Variants in CEP76 observed in about 807,000 individuals in gnomAD.
CEP76 encodes the protein centrosomal protein of 76 kDa.
In CEP76, 55 loss-of-function variants were observed where a neutral mutation model predicts 83.3. That is an observed-to-expected ratio of 0.66 (90% CI 0.53 to 0.83). CEP76 has a LOEUF of 0.83. Ranked by LOEUF, CEP76 falls within the 40% of genes least tolerant of loss-of-function variation. The pLI is 0.00. For missense variants in CEP76, 694 were observed against 799.5 expected, an observed-to-expected ratio of 0.87 and a Z score of 1.59; for synonymous variants, 270 against 274.5, an observed-to-expected ratio of 0.98 and a Z score of 0.16.
Position 12,678,141 on chromosome 18 carries a change from G to GC in CEP76, c.1590dup (p.Gln531AlafsTer35), listed in dbSNP as rs747488126. On this transcript the variant is annotated frameshift_variant, in exon 10 of 12. Transcript: ENST00000262127. LOFTEE classifies it high-confidence loss of function. The stretch of plus-strand genomic sequence containing the variant: ...TGTTCTGACACCAGGAGCCTCAGCT[G>GC]CATTTCAATTTCATTACTTGTTACT... 1 of 1,613,416 alleles carries GC rather than the reference G, an allele frequency of 6.2e-7. No individual in the cohort carries two copies. The highest frequency in any genetic ancestry group is 1.1e-5 in the South Asian group (1 of 91,076).
At chr18:12,697,546 T>A in intron 4 of CEP76, 138 bp from the exon 5 acceptor site, 1 of 613,140 alleles carries the variant, frequency 1.6e-6, no homozygotes, top group East Asian at 3.0e-5. Flanking sequence ...TCAGAAAGCA[T>A]GCAAAAAACT....
intron 2 of CEP76, 109 bp from the exon 3 acceptor site, chr18:12,700,014 C>A: frequency 3.7e-6 from 2 of 540,594 alleles, no homozygotes; most frequent in Non-Finnish European, 3.1e-6. Flanking sequence ...AGGGTAAGGC[C>A]CTTTCAAAGA....
chr18:12,688,911 G>A lies in CEP76; in HGVS notation c.933+2448C>T, dbSNP rs192959934. On this transcript the variant is annotated intron_variant, in intron 7 of 11. Coordinates refer to ENST00000262127, the MANE Select transcript of CEP76 (RefSeq NM_024899.4). ...GGGCGGGTCATGAGGTCAGGAGATC[G>A]AGACCATCCTGGCTAACACAGTGAA... Among the ~76,000 whole-genome samples, 1,318 of 152,068 alleles carry A rather than the reference G, an allele frequency of 8.7e-3. 25 individuals are homozygous for A. Among genetic ancestry groups the A allele is most frequent in the African/African-American group, 0.031 (1,270 of 41,476 alleles).
chr18:12,694,174 CAT>C (rs1312077302), intron 6 of CEP76, among the ~76,000 whole-genome samples: 5 of 152,024 alleles, frequency 3.3e-5, no homozygotes, highest in African/African-American at 1.2e-4. Flanking sequence ...ACCCATGACA[CAT>C]GTCAGAAGCT....
At chr18:12,674,826 G>A in intron 10 of CEP76, 73 bp from the exon 11 acceptor site, 1 of 925,742 alleles carries the variant, frequency 1.1e-6, no homozygotes, top group Non-Finnish European at 1.6e-6. Flanking sequence ...TAAAAATGTT[G>A]ATTATTTTAA....
At position 12,687,669 on chromosome 18, in the gene CEP76, T is replaced by A. The variant is rs527996091; in HGVS notation, c.934-1219A>T. Among the ~76,000 whole-genome samples the A allele has an allele frequency of 5.7e-4, 86 of 151,708 alleles. 2 individuals are homozygous for A. In the South Asian group the frequency reaches 0.018, roughly 32 times the overall value. ...GTTTCACGATGTTGACCAGGCTTGG[T>A]CTCAAACTCCTGACCTCAAGTGATC... On this transcript the variant is annotated intron_variant, in intron 7 of 11. Coordinates refer to ENST00000262127, the MANE Select transcript of CEP76 (RefSeq NM_024899.4).
intron 12 of CEP76, among the ~76,000 whole-genome samples, chr18:12,666,077 G>A (rs1226130211): frequency 6.6e-6 from 1 of 151,630 alleles, no homozygotes; most frequent in Admixed American, 6.6e-5. Flanking sequence ...AGCATCTTGG[G>A]AGACTGAGAC....
intron 11 of CEP76, among the ~76,000 whole-genome samples, chr18:12,674,286 A>T (rs549564459): frequency 2.0e-5 from 3 of 151,824 alleles, no homozygotes; most frequent in East Asian, 1.9e-4. Context: ...AAATAAAGAT[A>T]AAAAAAATAG....
rs752168024 is a variant in CEP76, at chr18:12,699,852, A to G, written c.273T>C (p.Asp91=). 6.3e-7 allele frequency: 1 copy of G among 1,587,322 alleles called. No individual in the cohort carries two copies. The highest frequency in any genetic ancestry group is 1.4e-5 in the African/African-American group (1 of 74,022). ...TACTTTTTTTTAATGTCGATTGTCT[A>G]TCAAAACAAATAGGTTGTTTTGGAG... The part of the protein sequence containing the change: ...PSSPKQPICF[D]RQSTLKKTNI... Residue 91 remains aspartate, a synonymous_variant, in exon 3 of 12, where the codon GAT becomes GAC. Transcript: ENST00000262127.
chr18:12,675,172 G>A (rs1489388146), intron 10 of CEP76, among the ~76,000 whole-genome samples: 3 of 152,094 alleles, frequency 2.0e-5, no homozygotes, highest in Non-Finnish European at 2.9e-5. Context: ...TGAGGTGGGC[G>A]GATCATGAGG....
rs762367925 is a variant in CEP76 at position 12,686,305 on chromosome 18, T to C, written c.1079A>G (p.Gln360Arg). 1 of 1,614,144 alleles carries C rather than the reference T, an allele frequency of 6.2e-7. No homozygotes were observed. The highest frequency in any genetic ancestry group is 8.5e-7 in the Non-Finnish European group (1 of 1,180,008). Residue 360 changes from glutamine to arginine, a missense_variant, in exon 8 of 12, where the codon CAG (glutamine) becomes CGG (arginine). Gln to Arg is a conservative substitution (Grantham distance 43). Coordinates refer to ENST00000262127, the MANE Select transcript of CEP76 (RefSeq NM_024899.4). ...GGCCAGCAGAGTGCACCACTGCTCC[T>C]GTTTACCTCCTCCTCCAATAACAGG... ...RAPVIGGGGK[Q>R]EQWCTLLAFL...
intron 10 of CEP76, among the ~76,000 whole-genome samples, chr18:12,677,143 A>G (rs2039164656): frequency 6.6e-6 from 1 of 152,144 alleles, no homozygotes; most frequent in Non-Finnish European, 1.5e-5. Flanking sequence ...AAGGAAATCT[A>G]CATGCTATTT....
downstream of CEP76, among the ~76,000 whole-genome samples, chr18:12,668,049 G>A (rs2038841236): frequency 6.6e-6 from 1 of 151,896 alleles, no homozygotes; most frequent in African/African-American, 2.4e-5. Flanking sequence ...CGTATCACCT[G>A]AGGTCAGGAG....
intron 8 of CEP76, chr18:12,684,671 T>TG (rs1248447378): frequency 1.3e-5 from 2 of 151,804 alleles, no homozygotes; most frequent in Non-Finnish European, 2.9e-5. Context: ...TCAGTAGAGA[T>TG]GGAGTTTCTC....
intron 6 of CEP76, among the ~76,000 whole-genome samples, chr18:12,693,209 TATAAATATGACAGTGGAA>T (rs1476992819): frequency 1.3e-5 from 2 of 152,156 alleles, no homozygotes; most frequent in African/African-American, 2.4e-5. Flanking sequence ...CACTAGAAAT[TATAAATATGACAGTGGAA>T]ATATAAGAAA....
Position 12,672,955 on chromosome 18 carries a change from A to G in CEP76, c.*410T>C, listed in dbSNP as rs1256183742. On this transcript the variant is annotated 3_prime_UTR_variant, in exon 12 of 12. Coordinates refer to ENST00000262127, the MANE Select transcript of CEP76 (RefSeq NM_024899.4). ...ATGAGGTTAATTTCTCCTAATCTGT[A>G]TAAAATAATTCCATTAACCTGTGAA... 2.0e-6 allele frequency: 2 copies of G among 984,948 alleles called. No individual in the cohort carries two copies. The highest frequency in any genetic ancestry group is 2.4e-6 in the Non-Finnish European group (2 of 828,992). 61.0% of individuals were successfully genotyped at this position (984,948 alleles called of 1,614,324 possible). A position where few individuals can be genotyped will look rare whatever the true frequency, so the allele number is the denominator to read the frequency against.
chr18:12,680,954 T>TG, intron 8 of CEP76, 126 bp from the exon 9 acceptor site: 2 of 811,830 alleles, frequency 2.5e-6, no homozygotes, highest in Non-Finnish European at 3.7e-6. Context: ...ATCCCAACAC[T>TG]TTGGGAGGCC....
chr18:12,673,744 G>A (rs1461427352), intron 11 of CEP76, among the ~76,000 whole-genome samples: 1 of 152,094 alleles, frequency 6.6e-6, no homozygotes, highest in African/African-American at 2.4e-5. Context: ...AGCCGCGTGT[G>A]GTGGCGGGCG....
At chr18:12,681,446 T>G (rs2039347259) in intron 8 of CEP76, among the ~76,000 whole-genome samples, 1 of 151,846 alleles carries the variant, frequency 6.6e-6, no homozygotes. Flanking sequence ...ACAGGGGTCT[T>G]ACTGTGTTAC....
Sources: gnomAD v4.1 joint callset for allele counts (sites outside exome capture counted in the v4.1 genomes callset) on GRCh38, gnomAD v4.1.1 for gene constraint, MANE v1.5 for transcripts, NCBI Gene and HGNC (gene_info 2026-07-23, HGNC 2026-07-21) for gene names.